The following HDAC3 variants were observed in gnomAD, a reference collection of about 807,000 sequenced individuals.
HDAC3 encodes the protein SMAP45.
In HDAC3, 21 loss-of-function variants were observed where a neutral mutation model predicts 62.3. The ratio of observed to expected loss-of-function variants is 0.34; its 90% CI spans 0.24 to 0.49. The LOEUF (loss-of-function observed/expected upper bound fraction) is 0.49. HDAC3 is among the 20% of genes least tolerant of loss of function. The pLI is 0.99. For missense variants in HDAC3, 270 were observed against 556.9 expected (o/e 0.48, Z 5.19); for synonymous variants, 198 against 206.5 (o/e 0.96, Z 0.35).
chr5:141,634,253 G>A (rs1375749611), intron 3 of HDAC3, among the ~76,000 whole-genome samples: 2 of 152,088 alleles, frequency 1.3e-5, no homozygotes, highest in East Asian at 3.9e-4. Flanking sequence ...TAATAGAGCT[G>A]TTTGCTTTTA....
intron 3 of HDAC3, among the ~76,000 whole-genome samples, chr5:141,633,932 G>A (rs1213487247): frequency 6.6e-6 from 1 of 151,026 alleles, no homozygotes; most frequent in Non-Finnish European, 1.5e-5. Context: ...AGAAATTTTT[G>A]AAATTTTCCC....
At chr5:141,633,825 C>CAAAA (rs11291105) in intron 3 of HDAC3, among the ~76,000 whole-genome samples, 17 of 73,996 alleles carry the variant, frequency 2.3e-4, no homozygotes, top group Admixed American at 9.1e-4. Context: ...GACTCTGTCT[C>CAAAA]AAAAAAAAAA....
At chr5:141,622,787 T>C (rs954572748) in intron 14 of HDAC3, among the ~76,000 whole-genome samples, 2 of 152,098 alleles carry the variant, frequency 1.3e-5, no homozygotes, top group African/African-American at 2.4e-5. Context: ...ATCTCAGCCC[T>C]GATCTTTAAC....
intron 14 of HDAC3, among the ~76,000 whole-genome samples, chr5:141,622,514 G>T (rs922611998): frequency 3.3e-5 from 5 of 151,910 alleles, no homozygotes; most frequent in African/African-American, 1.2e-4. Flanking sequence ...TGAGGCAGGA[G>T]AATCGCTTGA....
intron 2 of HDAC3, 57 bp from the exon 3 acceptor site, chr5:141,635,010 A>C: frequency 6.3e-7 from 1 of 1,584,766 alleles, no homozygotes; most frequent in Non-Finnish European, 8.6e-7. Context: ...CCACAGGCTC[A>C]GACCACCCAT....
At position 141,628,914 on chromosome 5, in the gene HDAC3, A is replaced by C. The variant is rs905820416; in HGVS notation, c.610+259T>G. Among the ~76,000 whole-genome samples, 5 of 152,264 alleles carry C rather than the reference A, an allele frequency of 3.3e-5. No homozygotes were observed. Among genetic ancestry groups the C allele is most frequent in the African/African-American group, 9.6e-5 (4 of 41,472 alleles). On this transcript the variant is annotated intron_variant, in intron 7 of 14. Coordinates refer to ENST00000305264, the MANE Select transcript of HDAC3 (RefSeq NM_003883.4). The surrounding 1 kb of genome is among the most constrained non-coding windows in gnomAD (Gnocchi z 4.7). ...CACCACGCTTATATTCTTAGGGAAT[A>C]GCCATGAGGAGGAGGGAGGCAGTAA...
rs762765058 is a variant in HDAC3 at position 141,634,906 on chromosome 5, G to A, written c.186C>T (p.His62=). 2 of 1,614,132 alleles carry A rather than the reference G, an allele frequency of 1.2e-6. No individual in the cohort carries two copies. Among genetic ancestry groups the A allele is most frequent in the Non-Finnish European group, 1.7e-6 (2 of 1,180,018 alleles). ...QASQHDMCRF[H]SEDYIDFLQR... is the part of the protein sequence containing the mutation. ...GCAGGAAGTCAATGTAGTCCTCGGA[G>A]TGGAAGCGGCACATGTCATGTTGGG... is the stretch of plus-strand genomic sequence containing the variant. The change falls in exon 3 of 15, where the codon CAC becomes CAT. Residue 62 remains histidine (H), a synonymous_variant. Coordinates refer to ENST00000305264, the MANE Select transcript of HDAC3 (RefSeq NM_003883.4).
rs1243213480 is a variant in HDAC3 at position 141,621,392 on chromosome 5, G to A, written c.*76C>T. Reference sequence around the variant, plus strand: ...CCCTGGGGTGACCCCCAGGACTCTAGGAGCCACTCCTTTTCCCTCCAGCCC... The same window carrying A: ...CCCTGGGGTGACCCCCAGGACTCTAAGAGCCACTCCTTTTCCCTCCAGCCC... On this transcript the variant is annotated 3_prime_UTR_variant, in exon 15 of 15. Transcript: ENST00000305264. 7.3e-7 allele frequency: 1 copy of A among 1,372,224 alleles called. No homozygotes were observed. The highest frequency in any genetic ancestry group is 1.4e-5 in the African/African-American group (1 of 70,026). 85.0% of individuals were successfully genotyped at this position (1,372,224 alleles called of 1,614,324 possible).
In HDAC3 at chr5:141,635,084, TAA is replaced by T. The variant is rs944656113; in HGVS notation, c.139-133_139-132del. ...AGCATTCCCCTCATCCCACAATCCT[TAA>T]GTCAGTAGAGAGACTCCGATTAACC... On this transcript the variant is annotated intron_variant, in intron 2 of 14. Transcript: ENST00000305264. 4.2e-5 allele frequency: 37 copies of T among 886,106 alleles called. No homozygotes were observed. The African/African-American group carries it at 5.4e-4, about 13-fold the overall frequency. The allele number at this position is 886,106 out of a possible 1,614,324, so 54.9% of individuals were successfully genotyped here. A position where few individuals can be genotyped will look rare whatever the true frequency, so the allele number is the denominator to read the frequency against.
intron 3 of HDAC3, among the ~76,000 whole-genome samples, chr5:141,631,295 A>AT (rs1414959579): frequency 6.6e-6 from 1 of 152,118 alleles, no homozygotes; most frequent in African/African-American, 2.4e-5. Context: ...TCAAGCAAGA[A>AT]TTGTAGGGTT....
intron 14 of HDAC3, among the ~76,000 whole-genome samples, chr5:141,622,719 G>A (rs1455014381): frequency 6.6e-6 from 1 of 152,226 alleles, no homozygotes; most frequent in Non-Finnish European, 1.5e-5. Context: ...GGTGAGCAAT[G>A]TCTCAGTTAC....
rs749328327 is a variant in HDAC3 at position 141,636,827 on chromosome 5, C to T, written c.-37G>A. 4 of 1,474,596 alleles carry T rather than the reference C, an allele frequency of 2.7e-6. No individual in the cohort carries two copies. The highest frequency in any genetic ancestry group is 3.6e-6 in the Non-Finnish European group (4 of 1,117,384). 91.3% of individuals were successfully genotyped at this position (1,474,596 alleles called of 1,614,324 possible). On this transcript the variant is annotated 5_prime_UTR_variant, in exon 1 of 15. Coordinates refer to ENST00000305264, the MANE Select transcript of HDAC3 (RefSeq NM_003883.4). ...GAGCAGGCCCCGCACCTCCGCCGCC[C>T]GCCGCCCGCGGCCGCCGCCAGCCCC...
rs1424595343 is a variant in HDAC3 at position 141,636,590 on chromosome 5, G to C, written c.96C>G (p.Thr32=). ...HPMKPHRLAL[T]HSLVLHYGLY... ...GACCGTAATGCAGGACCAGGCTATG[G>C]GTCAATGCCAGGCGATGGGGCTTCA... The change falls in exon 2 of 15, where the codon ACC becomes ACG. Residue 32 remains threonine (T), a synonymous_variant. Transcript: ENST00000305264. 6.2e-7 allele frequency: 1 copy of C among 1,614,074 alleles called. No homozygotes were observed. The highest frequency in any genetic ancestry group is 8.5e-7 in the Non-Finnish European group (1 of 1,179,996).
intron 3 of HDAC3, 46 bp from the exon 4 acceptor site, chr5:141,630,171 G>T: frequency 6.4e-7 from 1 of 1,563,656 alleles, no homozygotes; most frequent in Non-Finnish European, 8.8e-7. Flanking sequence ...CTCTGTCTGG[G>T]CCCTTCCCAT....
At chr5:141,635,031 G>T in intron 2 of HDAC3, 78 bp from the exon 3 acceptor site, 1 of 1,463,296 alleles carries the variant, frequency 6.8e-7, no homozygotes, top group East Asian at 2.3e-5. Flanking sequence ...ACTGAACCCA[G>T]TCCTGGAGAC....
At position 141,621,147 on chromosome 5, in the gene HDAC3, A is replaced by C. The variant is rs1421310729; in HGVS notation, c.*321T>G. ...CCTTGTCTACCCGTTCATCCCTCAA[A>C]AATCTCTGGGTTCGAGGGAAGCAGG... On this transcript the variant is annotated 3_prime_UTR_variant, in exon 15 of 15. Transcript: ENST00000305264. 1 of 306,808 alleles carries C rather than the reference A, an allele frequency of 3.3e-6. No homozygotes were observed. The highest frequency in any genetic ancestry group is 6.1e-6 in the Non-Finnish European group (1 of 162,958). 19.0% of individuals were successfully genotyped at this position (306,808 alleles called of 1,614,324 possible).
Position 141,626,435 on chromosome 5 carries a change from T to G in HDAC3, c.831-152A>C, listed in dbSNP as rs2099904424. On this transcript the variant is annotated intron_variant, in intron 10 of 14. Transcript: ENST00000305264. The surrounding 1 kb of genome is among the most constrained non-coding windows in gnomAD (Gnocchi z 4.6). ...ATTCATTATGTTATACCCTTAAGAT[T>G]TGGGTATACTTTATATGCTGTGTCT... 4 of 654,564 alleles carry G rather than the reference T, an allele frequency of 6.1e-6. No homozygotes were observed. The South Asian group carries it at 7.2e-5, about 12-fold the overall frequency. 40.5% of individuals were successfully genotyped at this position (654,564 alleles called of 1,614,324 possible).
Position 141,633,849 on chromosome 5 carries a change from G to A in HDAC3, c.281+962C>T, listed in dbSNP as rs925182687. Among the ~76,000 whole-genome samples the A allele has an allele frequency of 4.1e-4, 54 of 132,088 alleles. 1 individual carries two copies. Among genetic ancestry groups the A allele is most frequent in the Admixed American group, 7.6e-5 (1 of 13,152 alleles). 86.7% of individuals were successfully genotyped at this position (132,088 alleles called of 152,430 possible). On this transcript the variant is annotated intron_variant, in intron 3 of 14. Coordinates refer to ENST00000305264, the MANE Select transcript of HDAC3 (RefSeq NM_003883.4). ...TCAAAAAAAAAAAAAAAAAAAAAAA[G>A]AGTGGCCATTTGCTCATAAGCGTTG...
In HDAC3 at chr5:141,625,567, T is replaced by G; in HGVS notation, c.1059+118A>C. Reference sequence around the variant, plus strand: ...TGGACTGCCTCCTAGTCAATAACAGTGACTGTGATGGCTTAGAACTTCCTT... The same window carrying G: ...TGGACTGCCTCCTAGTCAATAACAGGGACTGTGATGGCTTAGAACTTCCTT... On this transcript the variant is annotated intron_variant, in intron 13 of 14. Transcript: ENST00000305264. This position sits in a 1 kb window ranked among gnomAD's most constrained non-coding sequence, Gnocchi z 4.0. 8.6e-7 allele frequency: 1 copy of G among 1,162,198 alleles called. No homozygotes were observed. Among genetic ancestry groups the G allele is most frequent in the Non-Finnish European group, 1.3e-6 (1 of 782,816 alleles). The allele number at this position is 1,162,198 out of a possible 1,614,324, so 72.0% of individuals were successfully genotyped here. A position where few individuals can be genotyped will look rare whatever the true frequency, so the allele number is the denominator to read the frequency against.
Sources: allele counts gnomAD v4.1 joint callset (sites outside exome capture counted in the v4.1 genomes callset), GRCh38; gene constraint gnomAD v4.1.1; non-coding constraint Gnocchi (gnomAD v3.1); transcripts MANE v1.5; gene names NCBI Gene and HGNC (gene_info 2026-07-23, HGNC 2026-07-21).